The following ENTHD1 variants were observed in gnomAD, a reference collection of about 807,000 sequenced individuals.
ENTHD1 encodes ENTH domain containing 1.
ENTHD1 carries 23 observed loss-of-function variants against 39.1 expected under a neutral mutation model. That is an observed-to-expected ratio of 0.59 (90% CI 0.42 to 0.83). ENTHD1 has a LOEUF of 0.83. ENTHD1 is among the 40% of genes least tolerant of loss of function. ENTHD1 has a pLI of 0.00. For missense variants in ENTHD1, 624 were observed against 705.4 expected, an observed-to-expected ratio of 0.88 and a Z score of 1.31; for synonymous variants, 230 against 258.2, an observed-to-expected ratio of 0.89 and a Z score of 1.05.
intron 3 of ENTHD1, among the ~76,000 whole-genome samples, 195 bp from the exon 4 acceptor site, chr22:39,836,153 G>A (rs1335468627): frequency 6.6e-6 from 1 of 151,986 alleles, no homozygotes; most frequent in African/African-American, 2.4e-5. Context: ...AGTTCAGACT[G>A]ATTTTAAAAA....
chr22:39,887,977 T>C, intron 1 of ENTHD1, 74 bp from the exon 2 acceptor site: 1 of 421,202 alleles, frequency 2.4e-6, no homozygotes, highest in South Asian at 6.4e-5. Context: ...AATCTGAAAA[T>C]CTAGGTTTTG....
At chr22:39,832,635 C>T (rs1165999304) in intron 4 of ENTHD1, among the ~76,000 whole-genome samples, 1 of 152,136 alleles carries the variant, frequency 6.6e-6, no homozygotes, top group Non-Finnish European at 1.5e-5. Context: ...GAGAAGGTCG[C>T]AGAACACTGC....
intron 3 of ENTHD1, among the ~76,000 whole-genome samples, chr22:39,847,168 C>T (rs1319643934): frequency 6.6e-6 from 1 of 151,966 alleles, no homozygotes; most frequent in Non-Finnish European, 1.5e-5. Flanking sequence ...GGCACATATA[C>T]ACCATGGAAT....
intron 1 of ENTHD1, among the ~76,000 whole-genome samples, chr22:39,890,204 C>A (rs941751158): frequency 2.6e-5 from 4 of 151,812 alleles, no homozygotes; most frequent in Admixed American, 6.6e-5. Flanking sequence ...AAGACACTAT[C>A]ATTAACCCTA....
chr22:39,818,455 C>A (rs2065750743), intron 5 of ENTHD1, among the ~76,000 whole-genome samples: 1 of 152,148 alleles, frequency 6.6e-6, no homozygotes, highest in Admixed American at 6.5e-5. Context: ...GTCAAAGTAA[C>A]TGGAACAAAG....
intron 4 of ENTHD1, among the ~76,000 whole-genome samples, chr22:39,821,684 G>A (rs1305402584): frequency 6.6e-6 from 1 of 152,054 alleles, no homozygotes; most frequent in Non-Finnish European, 1.5e-5. Context: ...GTCCATTCCG[G>A]TCACTATAAC....
In ENTHD1 at chr22:39,807,750, A is replaced by C. The variant is rs138717130; in HGVS notation, c.832+13243T>G. Among the ~76,000 whole-genome samples, 47 of 152,312 alleles carry C rather than the reference A, an allele frequency of 3.1e-4. No individual in the cohort carries two copies. In the East Asian group the frequency reaches 5.2e-3, roughly 17 times the overall value. ...TGACCAATTAGTGGGTAGTGAAATA[A>C]ATTTTGTGGGTCACATCTAAATTTT... On this transcript the variant is annotated intron_variant, in intron 5 of 6. Coordinates refer to ENST00000325157, the MANE Select transcript of ENTHD1 (RefSeq NM_152512.4).
At position 39,885,167 on chromosome 22, in the gene ENTHD1, A is replaced by G. The variant is rs112383880; in HGVS notation, c.349+2233T>C. 4.6e-5 allele frequency among the ~76,000 whole-genome samples: 7 copies of G among 152,332 alleles called. 1 individual carries two copies. The highest frequency in any genetic ancestry group is 1.7e-4 in the African/African-American group (7 of 41,588). On this transcript the variant is annotated intron_variant, in intron 2 of 6. Transcript: ENST00000325157. ...TAATACTCAAACAGTTGTTTTAAAA[A>G]GTTAATAATGGGCAAAGGATTGGAA...
chr22:39,759,333 G>A (rs1033502595), intron 6 of ENTHD1, among the ~76,000 whole-genome samples: 1 of 152,064 alleles, frequency 6.6e-6, no homozygotes, highest in African/African-American at 2.4e-5. Context: ...CGAACACAAA[G>A]GTCTTCGCAG....
chr22:39,849,853 T>C (rs2066021102), intron 3 of ENTHD1, among the ~76,000 whole-genome samples: 1 of 152,212 alleles, frequency 6.6e-6, no homozygotes, highest in African/African-American at 2.4e-5. Context: ...TCCATTTTGA[T>C]ACTGACATTT....
At chr22:39,847,927 G>A (rs1453596371) in intron 3 of ENTHD1, among the ~76,000 whole-genome samples, 2 of 152,190 alleles carry the variant, frequency 1.3e-5, no homozygotes, top group African/African-American at 2.4e-5. Flanking sequence ...GGTTAAATGG[G>A]TTCTCTGTTT....
intron 2 of ENTHD1, among the ~76,000 whole-genome samples, chr22:39,868,350 TAAA>T (rs535956120): frequency 7.9e-6 from 1 of 126,590 alleles, no homozygotes; most frequent in Non-Finnish European, 1.7e-5. Flanking sequence ...TTTATTTTAT[TAAA>T]AAAAAAAAAA....
chr22:39,824,726 TTG>T (rs2146656168), intron 4 of ENTHD1, among the ~76,000 whole-genome samples: 1 of 152,292 alleles, frequency 6.6e-6, no homozygotes, highest in African/African-American at 2.4e-5. Flanking sequence ...TTGGCCATGT[TTG>T]TGTGTGTCTA....
At position 39,849,567 on chromosome 22, in the gene ENTHD1, C is replaced by T. The variant is rs2066018688; in HGVS notation, c.592+12198G>A. On this transcript the variant is annotated intron_variant, in intron 3 of 6. Transcript: ENST00000325157. ...GGAATATCTTTCCATTTATATAGGT[C>T]TTTAATGTATTTCAATTAAACATTA... 3.9e-5 allele frequency among the ~76,000 whole-genome samples: 6 copies of T among 152,248 alleles called. No individual in the cohort carries two copies. The South Asian group carries it at 1.2e-3, about 32-fold the overall frequency.
chr22:39,745,994 T>C (rs1009221805), intron 6 of ENTHD1, among the ~76,000 whole-genome samples: 15 of 152,230 alleles, frequency 9.9e-5, no homozygotes, highest in Non-Finnish European at 1.0e-4. Context: ...CTCAGTGATG[T>C]ACCCTGAAGT....
chr22:39,752,541 T>C (rs2065155485), intron 6 of ENTHD1, among the ~76,000 whole-genome samples: 1 of 152,208 alleles, frequency 6.6e-6, no homozygotes. Context: ...AAGGATGCAT[T>C]TTATGGTACA....
chr22:39,749,762 C>T (rs1569123291), intron 6 of ENTHD1, among the ~76,000 whole-genome samples: 1 of 152,198 alleles, frequency 6.6e-6, no homozygotes. Context: ...GTCCTGTCCT[C>T]GGGACCGGTG....
chr22:39,822,412 A>G (rs2065790503), intron 4 of ENTHD1, among the ~76,000 whole-genome samples: 1 of 152,118 alleles, frequency 6.6e-6, no homozygotes, highest in African/African-American at 2.4e-5. Flanking sequence ...TCATATCACC[A>G]TTATTGAATT....
intron 4 of ENTHD1, among the ~76,000 whole-genome samples, chr22:39,828,436 A>G (rs2146663093): frequency 6.6e-6 from 1 of 152,378 alleles, no homozygotes. Flanking sequence ...CCATTTCTCT[A>G]ACAACTTTGG....
Sources: allele counts gnomAD v4.1 joint callset (sites outside exome capture counted in the v4.1 genomes callset), GRCh38; gene constraint gnomAD v4.1.1; transcripts MANE v1.5; gene names NCBI Gene and HGNC (gene_info 2026-07-23, HGNC 2026-07-21).